TTC34: variants seen among roughly 807,000 people sequenced by gnomAD.
TTC34 encodes tetratricopeptide repeat domain 34.
In TTC34, 44 loss-of-function variants were observed where a neutral mutation model predicts 40.7. The observed-to-expected ratio is 1.08, with a 90% confidence interval of 0.85 to 1.39. The LOEUF is 1.39. Ranked by LOEUF, TTC34 falls within the 40% of genes most tolerant of loss-of-function variation. The pLI is 0.00. For missense variants in TTC34, 884 were observed against 838.0 expected (o/e 1.05, Z -0.68); for synonymous variants, 422 against 398.6 (o/e 1.06, Z -0.70).
At chr1:2,700,009 A>G (rs538590375) in intron 6 of TTC34, among the ~76,000 whole-genome samples, 2 of 117,028 alleles carry the variant, frequency 1.7e-5, no homozygotes, top group Non-Finnish European at 4.0e-5. Context: ...AGCAGCGTCC[A>G]CACCCCCAGG....
intron 6 of TTC34, among the ~76,000 whole-genome samples, chr1:2,759,547 C>G (rs1264121208): frequency 0.014 from 425 of 31,164 alleles, no homozygotes; most frequent in South Asian, 0.024. Context: ...CAGCCTGGAA[C>G]AGCACCCACA....
At chr1:2,643,896 C>T (rs1638965165) in intron 8 of TTC34, among the ~76,000 whole-genome samples, 1 of 152,246 alleles carries the variant, frequency 6.6e-6, no homozygotes, top group Non-Finnish European at 1.5e-5. Flanking sequence ...CCCAGCCTGC[C>T]TTGTCCCCAC....
rs1234000659 is a variant in TTC34, at chr1:2,694,029, C to G, written c.2227-48466G>C. 2.9e-5 allele frequency among the ~76,000 whole-genome samples: 3 copies of G among 103,796 alleles called. 1 individual carries two copies. Among genetic ancestry groups the G allele is most frequent in the Non-Finnish European group, 6.5e-5 (3 of 45,932 alleles). 68.1% of individuals were successfully genotyped at this position (103,796 alleles called of 152,430 possible). On this transcript the variant is annotated intron_variant, in intron 6 of 8. Transcript: ENST00000401095. ...GACCGCCTGGAACAGCACCCACACC[C>G]CCAGGCGAGCATCTCACAGCACGTA...
At chr1:2,784,304 A>G (rs1441758306) in intron 5 of TTC34, among the ~76,000 whole-genome samples, 1 of 152,190 alleles carries the variant, frequency 6.6e-6, no homozygotes, top group Non-Finnish European at 1.5e-5. Flanking sequence ...AGCCTTTAAG[A>G]CTTTCACTAT....
In TTC34 at chr1:2,751,695, C is replaced by A. The variant is rs1201046615; in HGVS notation, c.2226+31914G>T. On this transcript the variant is annotated intron_variant, in intron 6 of 8. Transcript: ENST00000401095. Reference sequence around the variant, plus strand: ...CTGGATCAGCACCCACAACCCCAAGCGAGCATCCGACAGCCTGGAGCAGCA... The same window carrying A: ...CTGGATCAGCACCCACAACCCCAAGAGAGCATCCGACAGCCTGGAGCAGCA... 3.2e-4 allele frequency among the ~76,000 whole-genome samples: 30 copies of A among 94,578 alleles called. 1 individual carries two copies. The highest frequency in any genetic ancestry group is 1.1e-3 in the African/African-American group (18 of 16,324). 62.0% of individuals were successfully genotyped at this position (94,578 alleles called of 152,430 possible). A position where few individuals can be genotyped will look rare whatever the true frequency, so the allele number is the denominator to read the frequency against.
chr1:2,701,340 A>C (rs28440112), intron 6 of TTC34, among the ~76,000 whole-genome samples: 43 of 1,930 alleles, frequency 0.022, no homozygotes, highest in Admixed American at 0.026. Context: ...GCGCCCACAC[A>C]CCGAGGTGAG....
At position 2,752,835 on chromosome 1, in the gene TTC34, G is replaced by A. The variant is rs1641369415; in HGVS notation, c.2226+30774C>T. ...TGCATCCCCAGGTGCGCACCTGACA[G>A]ACTGGAACAGCACCCACACACCCAG... On this transcript the variant is annotated intron_variant, in intron 6 of 8. Transcript: ENST00000401095. 2.1e-5 allele frequency among the ~76,000 whole-genome samples: 3 copies of A among 146,328 alleles called. 1 individual carries two copies. Among genetic ancestry groups the A allele is most frequent in the African/African-American group, 7.7e-5 (3 of 38,720 alleles).
chr1:2,750,898 C>G (rs1285704276), intron 6 of TTC34, among the ~76,000 whole-genome samples: 1 of 112,282 alleles, frequency 8.9e-6, no homozygotes, highest in Admixed American at 9.4e-5. Flanking sequence ...CCCAGGCGAG[C>G]ATCTGAACGC....
rs1241308358 is a variant in TTC34, at chr1:2,698,546, C to G, written c.2227-52983G>C. On this transcript the variant is annotated intron_variant, in intron 6 of 8. Transcript: ENST00000401095. ...CCCACACCCCCAGGTGAGCATCGGG[C>G]AGCCTGGAGCAGCACCCACACCCCC... Among the ~76,000 whole-genome samples, 3 of 110,276 alleles carry G rather than the reference C, an allele frequency of 2.7e-5. 1 individual carries two copies. Among genetic ancestry groups the G allele is most frequent in the Non-Finnish European group, 5.9e-5 (3 of 50,566 alleles). The allele number at this position is 110,276 out of a possible 152,430, so 72.3% of individuals were successfully genotyped here. A position where few individuals can be genotyped will look rare whatever the true frequency, so the allele number is the denominator to read the frequency against.
chr1:2,749,979 T>C (rs1233349840), intron 6 of TTC34, among the ~76,000 whole-genome samples: 18 of 16,904 alleles, frequency 1.1e-3, no homozygotes, highest in Middle Eastern at 0.031. Context: ...AGGTGAGCAT[T>C]GGACACCCTG....
intron 6 of TTC34, among the ~76,000 whole-genome samples, chr1:2,769,625 C>T (rs879211129): frequency 1.4e-5 from 2 of 141,024 alleles, no homozygotes; most frequent in African/African-American, 5.5e-5. Flanking sequence ...GGAACAGCAC[C>T]CACACCCCCA....
intron 1 of TTC34, 121 bp downstream of exon 1, chr1:2,801,456 C>T (rs1643772333): frequency 6.6e-6 from 1 of 152,244 alleles, no homozygotes; most frequent in African/African-American, 2.4e-5. Context: ...GCCCCTGGTA[C>T]TCCCCTATTC....
intron 6 of TTC34, among the ~76,000 whole-genome samples, chr1:2,698,283 G>C (rs1404633579): frequency 2.0e-5 from 1 of 50,434 alleles, no homozygotes; most frequent in African/African-American, 5.2e-5. Context: ...ACAGAACCCT[G>C]CACCCCCGGT....
chr1:2,769,467 C>A (rs1641958202), intron 6 of TTC34, among the ~76,000 whole-genome samples: 2 of 59,142 alleles, frequency 3.4e-5, no homozygotes, highest in African/African-American at 9.8e-5. Context: ...GCACCCCACA[C>A]CTCCAGGGGA....
At chr1:2,651,322 T>C (rs1639127794) in intron 6 of TTC34, among the ~76,000 whole-genome samples, 1 of 151,936 alleles carries the variant, frequency 6.6e-6, no homozygotes, top group South Asian at 2.1e-4. Context: ...CACCGGCAGG[T>C]GAGCATCTGA....
rs1331356627 is a variant in TTC34 at position 2,656,458 on chromosome 1, C to T, written c.2227-10895G>A. Among the ~76,000 whole-genome samples, 162 of 56,328 alleles carry T rather than the reference C, an allele frequency of 2.9e-3. 1 individual carries two copies. Among genetic ancestry groups the T allele is most frequent in the Admixed American group, 4.3e-3 (19 of 4,428 alleles). 37.0% of individuals were successfully genotyped at this position (56,328 alleles called of 152,430 possible). On this transcript the variant is annotated intron_variant, in intron 6 of 8. Coordinates refer to ENST00000401095, the Ensembl canonical transcript of TTC34. ...ACAGCCTGCAACAGCACCCTGCACCCCCAGGTGCGCACGTGACAGCCTGGA... is the reference window on the plus strand; with the variant it reads ...ACAGCCTGCAACAGCACCCTGCACCTCCAGGTGCGCACGTGACAGCCTGGA...
intron 4 of TTC34, among the ~76,000 whole-genome samples, chr1:2,786,921 G>C (rs59309066): frequency 0.058 from 8,817 of 152,276 alleles, 839 homozygotes; most frequent in African/African-American, 0.2. Context: ...GCCCCAGGGG[G>C]AGGAAGACGC....
chr1:2,685,125 G>A (rs1462802179), intron 6 of TTC34, among the ~76,000 whole-genome samples: 1 of 144,550 alleles, frequency 6.9e-6, no homozygotes, highest in African/African-American at 2.7e-5. Context: ...ACACCCCCAG[G>A]CGAGCATCGG....
chr1:2,749,739 C>G lies in TTC34; in HGVS notation c.2226+33870G>C, dbSNP rs1442179935. Among the ~76,000 whole-genome samples, 33 of 75,346 alleles carry G rather than the reference C, an allele frequency of 4.4e-4. 10 individuals carry two copies. The highest frequency in any genetic ancestry group is 2.4e-3 in the African/African-American group (33 of 13,788). 49.4% of individuals were successfully genotyped at this position (75,346 alleles called of 152,430 possible). On this transcript the variant is annotated intron_variant, in intron 6 of 8. Transcript: ENST00000401095. ...AGCACGCACAACCCCAGGTGAGCAT[C>G]TGACAGACTGGAACAGCTCCCACAC... is the stretch of plus-strand genomic sequence containing the variant.
Sources: gnomAD v4.1 joint callset for allele counts (sites outside exome capture counted in the v4.1 genomes callset) on GRCh38, gnomAD v4.1.1 for gene constraint, MANE v1.5 for transcripts, NCBI Gene and HGNC (gene_info 2026-07-23, HGNC 2026-07-21) for gene names.